EPHB1: variants seen among roughly 807,000 people sequenced by gnomAD.
EPHB1 encodes the protein EPH receptor B1.
Under a neutral mutation model 94.4 loss-of-function variants are expected in EPHB1, and 30 were observed. That is an observed-to-expected ratio of 0.32 (90% CI 0.24 to 0.43). EPHB1 has a LOEUF of 0.43. EPHB1 is among the 20% of genes least tolerant of loss of function. The pLI is 1.00. For synonymous variants in EPHB1, 522 were observed against 489.1 expected (o/e 1.07, Z -0.89); for missense variants, 1,055 against 1,308.3 (o/e 0.81, Z 2.99).
chr3:135,193,053 TG>T (rs1308256232), intron 11 of EPHB1, among the ~76,000 whole-genome samples: 1 of 152,108 alleles, frequency 6.6e-6, no homozygotes, highest in African/African-American at 2.4e-5. Flanking sequence ...GCTTATTGGA[TG>T]AATAAAATGA....
chr3:135,016,303 G>A (rs1367168685), intron 3 of EPHB1, among the ~76,000 whole-genome samples: 3 of 152,202 alleles, frequency 2.0e-5, no homozygotes, highest in Non-Finnish European at 4.4e-5. Flanking sequence ...AGGGGTGTGT[G>A]GTTTCACCTA....
chr3:135,102,876 A>G (rs1346725656), intron 3 of EPHB1, among the ~76,000 whole-genome samples: 1 of 152,322 alleles, frequency 6.6e-6, no homozygotes, highest in East Asian at 1.9e-4. Flanking sequence ...TAACACAGAA[A>G]CAGAAAACCA....
intron 1 of EPHB1, among the ~76,000 whole-genome samples, chr3:134,831,143 C>G (rs142910025): frequency 3.3e-5 from 5 of 152,128 alleles, no homozygotes; most frequent in African/African-American, 1.2e-4. Flanking sequence ...CATAAGGGGG[C>G]CATTCATTAG....
chr3:135,225,080 C>A (rs980523335), intron 12 of EPHB1, among the ~76,000 whole-genome samples: 6 of 152,170 alleles, frequency 3.9e-5, no homozygotes, highest in Non-Finnish European at 8.8e-5. Flanking sequence ...CTCCTCTCTG[C>A]TCCACTGATT....
At chr3:135,256,321 C>G (rs896454161) in intron 15 of EPHB1, among the ~76,000 whole-genome samples, 5 of 152,132 alleles carry the variant, frequency 3.3e-5, no homozygotes, top group African/African-American at 1.2e-4. Context: ...TCTCAATGGT[C>G]TTTACATTTT....
intron 3 of EPHB1, among the ~76,000 whole-genome samples, chr3:135,059,032 G>A (rs1346901958): frequency 6.6e-6 from 1 of 152,254 alleles, no homozygotes; most frequent in East Asian, 1.9e-4. Context: ...TCAAGCTTGT[G>A]AAAATCAAGT....
chr3:135,080,869 G>A (rs891271222), intron 3 of EPHB1, among the ~76,000 whole-genome samples: 1 of 152,150 alleles, frequency 6.6e-6, no homozygotes, highest in African/African-American at 2.4e-5. Context: ...GCAAGTCCTT[G>A]CCCATGATGA....
chr3:134,823,925 T>C (rs747223043), intron 1 of EPHB1: 5 of 152,184 alleles, frequency 3.3e-5, no homozygotes, highest in Non-Finnish European at 5.9e-5. Flanking sequence ...ACATGATCTA[T>C]TAGCACAGAT....
At chr3:135,118,629 C>A (rs1296082063) in intron 4 of EPHB1, among the ~76,000 whole-genome samples, 1 of 152,140 alleles carries the variant, frequency 6.6e-6, no homozygotes, top group Non-Finnish European at 1.5e-5. Flanking sequence ...TCTGATGTGA[C>A]CTGGCACAAA....
intron 1 of EPHB1, among the ~76,000 whole-genome samples, chr3:134,851,712 GT>G (rs2036987836): frequency 1.3e-5 from 2 of 152,136 alleles, no homozygotes; most frequent in Admixed American, 1.3e-4. Context: ...CTATCTTTGA[GT>G]TTTGTTCACA....
chr3:135,180,629 A>G (rs549346373), intron 10 of EPHB1, among the ~76,000 whole-genome samples: 1 of 152,204 alleles, frequency 6.6e-6, no homozygotes, highest in South Asian at 2.1e-4. Flanking sequence ...CCAGTGTAAA[A>G]CTCACTGCCT....
At chr3:134,846,965 G>T (rs1056392419) in intron 1 of EPHB1, among the ~76,000 whole-genome samples, 1 of 152,110 alleles carries the variant, frequency 6.6e-6, no homozygotes, top group Admixed American at 6.5e-5. Flanking sequence ...CATTTCCTTC[G>T]GTGGCGGGAG....
chr3:135,156,743 A>G (rs891357704), intron 6 of EPHB1, among the ~76,000 whole-genome samples: 1 of 152,240 alleles, frequency 6.6e-6, no homozygotes, highest in Non-Finnish European at 1.5e-5. Flanking sequence ...TGAATTCATA[A>G]GCATCTGTTA....
At position 135,221,026 on chromosome 3, in the gene EPHB1, G is replaced by A. The variant is rs115619189; in HGVS notation, c.2346+19337G>A. On this transcript the variant is annotated intron_variant, in intron 12 of 15. Transcript: ENST00000398015. Reference sequence around the variant, plus strand: ...TTTCCTTTGGAAAGGAATTTGGCCCGTTCCAGGGACTATTGAAGACAACAG... The same window carrying A: ...TTTCCTTTGGAAAGGAATTTGGCCCATTCCAGGGACTATTGAAGACAACAG... Among the ~76,000 whole-genome samples the A allele has an allele frequency of 4.3e-3, 649 of 152,310 alleles. 7 individuals carry two copies. The highest frequency in any genetic ancestry group is 0.014 in the African/African-American group (597 of 41,568).
chr3:134,902,243 T>C (rs1338071435), intron 1 of EPHB1, among the ~76,000 whole-genome samples: 2 of 151,912 alleles, frequency 1.3e-5, no homozygotes, highest in African/African-American at 2.4e-5. Flanking sequence ...GATGGAATTA[T>C]TGGGAGATAT....
chr3:135,208,372 C>T lies in EPHB1; in HGVS notation c.2346+6683C>T, dbSNP rs112656601. Reference sequence around the variant, plus strand: ...CACAGAGAGATGCACACGTGTGGCCCGAAAGTGATGGATTTGAATTTTAGA... The same window carrying T: ...CACAGAGAGATGCACACGTGTGGCCTGAAAGTGATGGATTTGAATTTTAGA... On this transcript the variant is annotated intron_variant, in intron 12 of 15. Coordinates refer to ENST00000398015, the MANE Select transcript of EPHB1 (RefSeq NM_004441.5). Among the ~76,000 whole-genome samples, 144 of 150,980 alleles carry T rather than the reference C, an allele frequency of 9.5e-4. 2 individuals are homozygous for T. The East Asian group carries it at 0.02, about 21-fold the overall frequency.
At chr3:135,176,291 A>G (rs1576447039) in intron 9 of EPHB1, among the ~76,000 whole-genome samples, 2 of 152,330 alleles carry the variant, frequency 1.3e-5, no homozygotes, top group East Asian at 3.9e-4. Context: ...AGTTTGAGCC[A>G]TTTGTTAGAC....
intron 4 of EPHB1, among the ~76,000 whole-genome samples, chr3:135,121,460 A>G (rs959226540): frequency 1.4e-4 from 22 of 152,236 alleles, no homozygotes; most frequent in Non-Finnish European, 2.9e-4. Flanking sequence ...TGTAAGACCT[A>G]TTCCTCTGTT....
intron 1 of EPHB1, among the ~76,000 whole-genome samples, chr3:134,838,145 A>G (rs2036710352): frequency 6.6e-6 from 1 of 152,172 alleles, no homozygotes. Context: ...TTCTCATTGC[A>G]TAGAAATGTA....
Sources: gnomAD v4.1 joint callset for allele counts (sites outside exome capture counted in the v4.1 genomes callset) on GRCh38, gnomAD v4.1.1 for gene constraint, MANE v1.5 for transcripts, NCBI Gene and HGNC (gene_info 2026-07-23, HGNC 2026-07-21) for gene names.